EMC2: variants seen among roughly 807,000 people sequenced by gnomAD.
The protein encoded by EMC2 is ER membrane protein complex subunit 2.
A neutral mutation model predicts 51.6 loss-of-function variants in EMC2; 37 were observed. The observed-to-expected ratio is 0.72, with a 90% CI of 0.55 to 0.94. The LOEUF is 0.94. Among genes scored for constraint, EMC2 ranks in the 40% least tolerant of loss-of-function variants. The pLI is 0.00. For synonymous variants in EMC2, 131 were observed against 112.4 expected, an observed-to-expected ratio of 1.17 and a Z score of -1.04; for missense variants, 359 against 350.9, an observed-to-expected ratio of 1.02 and a Z score of -0.18.
At chr8:108,468,186 C>G (rs1340990214) in intron 5 of EMC2, among the ~76,000 whole-genome samples, 1 of 152,060 alleles carries the variant, frequency 6.6e-6, no homozygotes, top group East Asian at 1.9e-4. Context: ...GTTAATTTAT[C>G]CCTCATCTAT....
At chr8:108,451,314 C>A (rs1195570912) in intron 3 of EMC2, among the ~76,000 whole-genome samples, 1 of 151,498 alleles carries the variant, frequency 6.6e-6, no homozygotes, top group Non-Finnish European at 1.5e-5. Flanking sequence ...TGCTTTACAT[C>A]ATGATTTTAT....
chr8:108,488,962 GCCTCTTTCT>G lies in EMC2; in HGVS notation c.*2374_*2382del, dbSNP rs1811192228. Among the ~76,000 whole-genome samples the G allele has an allele frequency of 6.6e-6, 1 of 152,276 alleles. No homozygotes were observed. Among genetic ancestry groups the G allele is most frequent in the East Asian group, 1.9e-4 (1 of 5,190 alleles). On this transcript the variant is annotated 3_prime_UTR_variant, in exon 11 of 11. Coordinates refer to ENST00000220853, the MANE Select transcript of EMC2 (RefSeq NM_014673.5). Reference sequence around the variant, plus strand: ...AGAGCTTTGTGTGGTAACAGTCATTGCCTCTTTCTCCTCTTTCTGGCCAACAGCATGCCT... The same window carrying G: ...AGAGCTTTGTGTGGTAACAGTCATTGCCTCTTTCTGGCCAACAGCATGCCT...
In EMC2 at chr8:108,489,102, A is replaced by G. The variant is rs1482998877; in HGVS notation, c.*2504A>G. On this transcript the variant is annotated 3_prime_UTR_variant, in exon 11 of 11. Transcript: ENST00000220853. The stretch of plus-strand genomic sequence containing the variant: ...GGATTAAGGGGATCCTGGGTCCCTG[A>G]TATGGCATTGTTGAACACCCAAATC... Among the ~76,000 whole-genome samples the G allele has an allele frequency of 6.6e-6, 1 of 152,212 alleles. No homozygotes were observed. The highest frequency in any genetic ancestry group is 1.5e-5 in the Non-Finnish European group (1 of 68,030).
intron 4 of EMC2, among the ~76,000 whole-genome samples, chr8:108,455,557 G>T (rs1819130073): frequency 6.6e-6 from 1 of 152,088 alleles, no homozygotes; most frequent in African/African-American, 2.4e-5. Context: ...TGGTCCTGAT[G>T]CTTGTTCTGT....
At position 108,476,727 on chromosome 8, in the gene EMC2, C is replaced by T. The variant is rs932404072; in HGVS notation, c.592-55C>T. 8.9e-6 allele frequency: 7 copies of T among 782,264 alleles called. No individual in the cohort carries two copies. In the African/African-American group the frequency reaches 1.2e-4, roughly 13 times the overall value. 48.5% of individuals were successfully genotyped at this position (782,264 alleles called of 1,614,324 possible). On this transcript the variant is annotated intron_variant, in intron 8 of 10. Coordinates refer to ENST00000220853, the MANE Select transcript of EMC2 (RefSeq NM_014673.5). ...ATGCCTATGGTATGATGAAACCATG[C>T]TATATTTCAAAGTAGTAAAATAAAC...
chr8:108,469,269 A>G (rs2130386351), intron 5 of EMC2, among the ~76,000 whole-genome samples: 1 of 152,294 alleles, frequency 6.6e-6, no homozygotes, highest in African/African-American at 2.4e-5. Flanking sequence ...TTTTATGTTT[A>G]TCATTTTAAA....
At chr8:108,468,157 G>A (rs12334833) in intron 5 of EMC2, among the ~76,000 whole-genome samples, 2,430 of 152,232 alleles carry the variant, frequency 0.016, 29 homozygotes, top group Admixed American at 0.026. Flanking sequence ...TTAAATGGCC[G>A]AAAGTTTCCT....
At position 108,486,493 on chromosome 8, in the gene EMC2, T is replaced by A; in HGVS notation, c.808-19T>A. ...TGAAATTGAGCCTAATTGAGCTTTTTTTTTTTTTTTTTAATTAGTTTGCAG... is the reference window on the plus strand; with the variant it reads ...TGAAATTGAGCCTAATTGAGCTTTTATTTTTTTTTTTTAATTAGTTTGCAG... On this transcript the variant is annotated intron_variant, in intron 10 of 10. Transcript: ENST00000220853. 6.6e-7 allele frequency: 1 copy of A among 1,509,700 alleles called. No homozygotes were observed. Among genetic ancestry groups the A allele is most frequent in the Non-Finnish European group, 8.8e-7 (1 of 1,137,202 alleles). 93.5% of individuals were successfully genotyped at this position (1,509,700 alleles called of 1,614,324 possible). A position where few individuals can be genotyped will look rare whatever the true frequency, so the allele number is the denominator to read the frequency against.
At chr8:108,480,707 C>G (rs1201660695) in intron 10 of EMC2, among the ~76,000 whole-genome samples, 1 of 152,150 alleles carries the variant, frequency 6.6e-6, no homozygotes, top group African/African-American at 2.4e-5. Context: ...CTTGTCTGAA[C>G]CATCTCTCCT....
chr8:108,459,258 C>T (rs1412122878), intron 5 of EMC2, among the ~76,000 whole-genome samples: 1 of 152,200 alleles, frequency 6.6e-6, no homozygotes, highest in Non-Finnish European at 1.5e-5. Context: ...GTTTCAGTCT[C>T]TGCCAGTACC....
rs892112089 is a variant in EMC2 at position 108,453,052 on chromosome 8, A to AT, written c.220-4dup. ...ATAATGTAATTACTACTCAACCCTT[A>AT]TTTTTTCAGTTTTGTCTTCAAGAGC... is the stretch of plus-strand genomic sequence containing the variant. On this transcript the variant is annotated splice_polypyrimidine_tract_variant and intron_variant, in intron 3 of 10. Transcript: ENST00000220853. The AT allele has an allele frequency of 6.4e-7, 1 of 1,563,660 alleles. No individual in the cohort carries two copies. Among genetic ancestry groups the AT allele is most frequent in the African/African-American group, 1.4e-5 (1 of 73,006 alleles).
At chr8:108,473,977 TTC>T (rs920017595) in intron 7 of EMC2, 3 of 152,042 alleles carry the variant, frequency 2.0e-5, no homozygotes, top group African/African-American at 7.2e-5. Context: ...AATAGTCACT[TTC>T]TGCGTGGCCT....
chr8:108,451,325 T>C (rs1263703678), intron 3 of EMC2, among the ~76,000 whole-genome samples: 1 of 151,768 alleles, frequency 6.6e-6, no homozygotes, highest in Non-Finnish European at 1.5e-5. Context: ...ATGATTTTAT[T>C]GAGCCTTCAT....
At chr8:108,475,822 TTAAC>T (rs1443200025) in intron 7 of EMC2, 56 bp from the exon 8 acceptor site, 9 of 921,240 alleles carry the variant, frequency 9.8e-6, no homozygotes, top group African/African-American at 3.4e-5. Context: ...ATTTCAAGGT[TTAAC>T]TAAGATAAAA....
rs1341129615 is a variant in EMC2, at chr8:108,453,071, C to G, written c.229C>G (p.Gln77Glu). 2.5e-6 allele frequency: 4 copies of G among 1,589,236 alleles called. No individual in the cohort carries two copies. The highest frequency in any genetic ancestry group is 8.6e-7 in the Non-Finnish European group (1 of 1,167,444). The change falls in exon 4 of 11, where the codon CAA (glutamine) becomes GAA (glutamate). Residue 77 changes from glutamine (Q) to glutamate (E), a missense_variant. By Grantham distance (29) the Gln-to-Glu change is conservative (BLOSUM62 2). Transcript: ENST00000220853. Reference protein sequence around the residue: ...GRDDLALFCLQELRRQFPGSH... With the variant: ...GRDDLALFCLEELRRQFPGSH... ...ACCCTTATTTTTTCAGTTTTGTCTT[C>G]AAGAGCTGAGAAGACAGTTCCCTGG... is the stretch of plus-strand genomic sequence containing the variant.
At chr8:108,476,002 G>T in intron 8 of EMC2, 39 bp downstream of exon 8, 2 of 1,173,940 alleles carry the variant, frequency 1.7e-6, no homozygotes, top group Admixed American at 2.3e-5. Context: ...ATTTTATTTT[G>T]GTTACTATTC....
intron 10 of EMC2, 78 bp downstream of exon 10, chr8:108,479,188 G>T: frequency 1.4e-6 from 1 of 701,346 alleles, no homozygotes; most frequent in East Asian, 3.1e-5. Flanking sequence ...CTACAAAGTC[G>T]TATGTCTAGC....
intron 7 of EMC2, among the ~76,000 whole-genome samples, chr8:108,471,921 T>C (rs1315083590): frequency 6.6e-6 from 1 of 152,002 alleles, no homozygotes; most frequent in Non-Finnish European, 1.5e-5. Flanking sequence ...AGTCCCTCTT[T>C]AACAACACTG....
chr8:108,445,126 T>G (rs1384738574), intron 1 of EMC2, among the ~76,000 whole-genome samples: 1 of 152,224 alleles, frequency 6.6e-6, no homozygotes, highest in Non-Finnish European at 1.5e-5. Context: ...AACTGAGTAA[T>G]TGGACCTTAC....
Sources: allele counts gnomAD v4.1 joint callset (sites outside exome capture counted in the v4.1 genomes callset), GRCh38; gene constraint gnomAD v4.1.1; transcripts MANE v1.5; gene names NCBI Gene and HGNC (gene_info 2026-07-23, HGNC 2026-07-21).